RASGRF2: variants seen among roughly 807,000 people sequenced by gnomAD.
The protein encoded by RASGRF2 is Ras protein specific guanine nucleotide releasing factor 2.
In RASGRF2, 76 loss-of-function variants were observed where a neutral mutation model predicts 151.0. The observed-to-expected ratio is 0.50, with a 90% CI of 0.42 to 0.61. The LOEUF is 0.61. Among genes scored for constraint, RASGRF2 ranks in the 20% least tolerant of loss-of-function variants. The pLI is 0.00. For missense variants in RASGRF2, 1,148 were observed against 1,564.6 expected (o/e 0.73, Z 4.49); for synonymous variants, 504 against 566.5 (o/e 0.89, Z 1.57).
intron 17 of RASGRF2, among the ~76,000 whole-genome samples, chr5:81,132,061 T>C (rs1454753233): frequency 6.6e-6 from 1 of 152,262 alleles, no homozygotes; most frequent in Non-Finnish European, 1.5e-5. Flanking sequence ...ATCCTTGCTT[T>C]GTTTTTTTCC....
intron 15 of RASGRF2, among the ~76,000 whole-genome samples, chr5:81,116,846 T>C (rs995109827): frequency 2.9e-4 from 44 of 152,246 alleles, no homozygotes; most frequent in African/African-American, 1.0e-3. Flanking sequence ...GGTTCAACCA[T>C]ATGATAGCAT....
At chr5:80,995,693 C>CTTTT (rs1554083685) in intron 1 of RASGRF2, among the ~76,000 whole-genome samples, 5 of 97,336 alleles carry the variant, frequency 5.1e-5, no homozygotes, top group Admixed American at 1.4e-4. Context: ...TTCCCCCCCC[C>CTTTT]TTTTTTTTTT....
chr5:81,017,478 G>T (rs1749675659), intron 1 of RASGRF2, among the ~76,000 whole-genome samples: 1 of 152,180 alleles, frequency 6.6e-6, no homozygotes, highest in Admixed American at 6.5e-5. Context: ...CCCATGGCAA[G>T]GCCTCTGAAT....
intron 1 of RASGRF2, among the ~76,000 whole-genome samples, chr5:80,988,347 G>A (rs943971773): frequency 7.9e-5 from 12 of 152,090 alleles, no homozygotes; most frequent in Admixed American, 2.0e-4. Context: ...CACCACACCC[G>A]GCCTATCATC....
chr5:81,039,646 A>G (rs753469354), intron 1 of RASGRF2, among the ~76,000 whole-genome samples: 9 of 152,228 alleles, frequency 5.9e-5, no homozygotes, highest in Non-Finnish European at 1.0e-4. Flanking sequence ...CTTATGAACT[A>G]TATAGATCTT....
intron 20 of RASGRF2, 38 bp downstream of exon 20, chr5:81,206,943 G>A: frequency 1.4e-6 from 2 of 1,475,630 alleles, no homozygotes; most frequent in African/African-American, 2.8e-5. Context: ...ACAACTATGT[G>A]CAAACTACCT....
rs1331387109 is a variant in RASGRF2, at chr5:81,068,151, A to T, written c.515A>T (p.Asp172Val). Residue 172 changes from aspartate (D) to valine (V), a missense_variant, in exon 3 of 27, where the codon GAC becomes GTC. Coordinates refer to ENST00000265080, the MANE Select transcript of RASGRF2 (RefSeq NM_006909.3). ...CTCCGACATCAACTTGAAGATCAAG[A>T]CACAGAAATCGAAAGGCTTAAATCA... The part of the protein sequence containing the change: ...NQLRHQLEDQ[D>V]TEIERLKSEI... 6.2e-7 allele frequency: 1 copy of T among 1,612,954 alleles called. No individual in the cohort carries two copies. The highest frequency in any genetic ancestry group is 2.2e-5 in the East Asian group (1 of 44,852).
rs1381590945 is a variant in RASGRF2, at chr5:81,228,630, G to T, written c.*2860G>T. 6.6e-6 allele frequency: 1 copy of T among 152,182 alleles called. No individual in the cohort carries two copies. Among genetic ancestry groups the T allele is most frequent in the African/African-American group, 2.4e-5 (1 of 41,424 alleles). 9.4% of individuals were successfully genotyped at this position (152,182 alleles called of 1,614,324 possible). A position where few individuals can be genotyped will look rare whatever the true frequency, so the allele number is the denominator to read the frequency against. ...TCCAATTTCATGCTTTCGAATGAAT[G>T]CCCACATTTTGTACTGTCAACGAAA... is the stretch of plus-strand genomic sequence containing the variant. On this transcript the variant is annotated 3_prime_UTR_variant, in exon 27 of 27. Coordinates refer to ENST00000265080, the MANE Select transcript of RASGRF2 (RefSeq NM_006909.3).
At chr5:81,031,466 A>G (rs546496732) in intron 1 of RASGRF2, among the ~76,000 whole-genome samples, 1 of 152,348 alleles carries the variant, frequency 6.6e-6, no homozygotes, top group East Asian at 1.9e-4. Context: ...ACCACAGTGC[A>G]CTCAAACAAG....
At chr5:81,113,974 T>C in intron 15 of RASGRF2, 54 bp downstream of exon 15, 5 of 1,534,472 alleles carry the variant, frequency 3.3e-6, no homozygotes, top group Non-Finnish European at 4.4e-6. Flanking sequence ...GCCGCCTGCC[T>C]CCTCACCCTT....
intron 13 of RASGRF2, among the ~76,000 whole-genome samples, chr5:81,110,491 T>A (rs1291477367): frequency 6.6e-6 from 1 of 152,280 alleles, no homozygotes; most frequent in South Asian, 2.1e-4. Context: ...AGTTTTATTT[T>A]AATTTCATGC....
intron 17 of RASGRF2, among the ~76,000 whole-genome samples, chr5:81,178,761 C>G (rs1490615023): frequency 6.6e-6 from 1 of 151,070 alleles, no homozygotes; most frequent in African/African-American, 2.4e-5. Context: ...TTTTTTGAGA[C>G]GGAGTCTCGC....
At chr5:80,971,610 G>T (rs1450649960) in intron 1 of RASGRF2, among the ~76,000 whole-genome samples, 1 of 148,268 alleles carries the variant, frequency 6.7e-6, no homozygotes, top group African/African-American at 2.5e-5. Flanking sequence ...CTGTCATCCA[G>T]GCTGGAATGC....
intron 17 of RASGRF2, among the ~76,000 whole-genome samples, chr5:81,131,668 C>G (rs1057349401): frequency 6.7e-6 from 1 of 148,856 alleles, no homozygotes; most frequent in Non-Finnish European, 1.5e-5. Flanking sequence ...ATCTCTTTTT[C>G]TTCCTTTAAA....
rs924568943 is a variant in RASGRF2, at chr5:81,041,359, A to G, written c.289-1518A>G. On this transcript the variant is annotated intron_variant, in intron 1 of 26. Transcript: ENST00000265080. ...TGACTGATCGTGATCTACTGGGTGT[A>G]CTGTTATTCGTGAATATTGTCAAAG... Among the ~76,000 whole-genome samples, 5 of 152,200 alleles carry G rather than the reference A, an allele frequency of 3.3e-5. No homozygotes were observed. The South Asian group carries it at 1.0e-3, about 32-fold the overall frequency.
At chr5:81,090,661 A>C (rs1406862351) in intron 9 of RASGRF2, among the ~76,000 whole-genome samples, 1 of 152,134 alleles carries the variant, frequency 6.6e-6, no homozygotes, top group Non-Finnish European at 1.5e-5. Flanking sequence ...TAAGGTAAAC[A>C]ATTATAGATT....
chr5:81,000,259 G>A (rs976054359), intron 1 of RASGRF2, among the ~76,000 whole-genome samples: 1 of 152,198 alleles, frequency 6.6e-6, no homozygotes, highest in Non-Finnish European at 1.5e-5. Flanking sequence ...ACCTCAGTCT[G>A]CAACAGGGTT....
Position 80,960,451 on chromosome 5 carries a change from C to G in RASGRF2, c.-288C>G, listed in dbSNP as rs113829217. Among the ~76,000 whole-genome samples, 31,788 of 150,296 alleles carry G rather than the reference C, an allele frequency of 0.21. 3,658 individuals are homozygous for G. Among genetic ancestry groups the G allele is most frequent in the Middle Eastern group, 0.34 (98 of 292 alleles). On this transcript the variant is annotated 5_prime_UTR_variant, in exon 1 of 27. Coordinates refer to ENST00000265080, the MANE Select transcript of RASGRF2 (RefSeq NM_006909.3). The surrounding 1 kb of genome is among the most constrained non-coding windows in gnomAD (Gnocchi z 5.5). ...GCGGCGGCCGGCTCGGGCGCCCTCG[C>G]GGGGCCGCGCTCCACGCGGGCGTTG...
At chr5:81,031,598 C>G (rs1297443748) in intron 1 of RASGRF2, among the ~76,000 whole-genome samples, 1 of 152,094 alleles carries the variant, frequency 6.6e-6, no homozygotes, top group Non-Finnish European at 1.5e-5. Flanking sequence ...TCTTTGAAAC[C>G]AATGAGAACA....
Sources: gnomAD v4.1 joint callset for allele counts (sites outside exome capture counted in the v4.1 genomes callset) on GRCh38, gnomAD v4.1.1 for gene constraint, Gnocchi (gnomAD v3.1) non-coding constraint, MANE v1.5 for transcripts, NCBI Gene and HGNC (gene_info 2026-07-23, HGNC 2026-07-21) for gene names.